SNRPA1: variants seen among roughly 807,000 people sequenced by gnomAD.
SNRPA1 encodes the protein U2 small nuclear ribonucleoprotein A'.
In SNRPA1, 5 loss-of-function variants were observed where a neutral mutation model predicts 32.3. That is an observed-to-expected ratio of 0.15 (90% confidence interval 0.08 to 0.33). The LOEUF is 0.33. Ranked by LOEUF, SNRPA1 falls within the 10% of genes least tolerant of loss-of-function variation. The pLI is 1.00. For missense variants in SNRPA1, 198 were observed against 311.1 expected (o/e 0.64, Z 2.74); for synonymous variants, 111 against 120.1 (o/e 0.92, Z 0.50).
chr15:101,287,824 A>G, intron 3 of SNRPA1, 122 bp from the exon 4 acceptor site: 2 of 794,232 alleles, frequency 2.5e-6, no homozygotes, highest in Non-Finnish European at 4.3e-6. Context: ...ACTCTCTAGC[A>G]ACAAGCCCAA....
intron 5 of SNRPA1, 138 bp downstream of exon 5, chr15:101,286,770 G>GT: frequency 1.7e-6 from 1 of 589,894 alleles, no homozygotes; most frequent in East Asian, 2.8e-5. Flanking sequence ...AAAATGTGAT[G>GT]TAACATTTTC....
intron 3 of SNRPA1, among the ~76,000 whole-genome samples, chr15:101,290,740 A>ATTTTTTTTT (rs766825971): frequency 8.4e-6 from 1 of 118,576 alleles, no homozygotes; most frequent in African/African-American, 3.3e-5. Flanking sequence ...CACTTTTGGC[A>ATTTTTTTTT]TTTTTTTTTT....
intron 3 of SNRPA1, among the ~76,000 whole-genome samples, chr15:101,291,696 C>A (rs2039528163): frequency 6.6e-6 from 1 of 152,000 alleles, no homozygotes; most frequent in African/African-American, 2.4e-5. Context: ...ATCAAAAGGG[C>A]TACAATAAAG....
intron 1 of SNRPA1, chr15:101,293,389 A>G (rs1364235622): frequency 4.9e-6 from 2 of 409,710 alleles, no homozygotes; most frequent in East Asian, 7.9e-5. Flanking sequence ...CATGAAGCTT[A>G]GAATCTGATG....
At chr15:101,282,841 T>A (rs1327174024) in intron 8 of SNRPA1, among the ~76,000 whole-genome samples, 2 of 152,242 alleles carry the variant, frequency 1.3e-5, no homozygotes, top group Non-Finnish European at 2.9e-5. Flanking sequence ...TTCTAAATTT[T>A]AATTTTTGCT....
intron 1 of SNRPA1, among the ~76,000 whole-genome samples, chr15:101,293,630 C>T (rs1336104538): frequency 1.3e-5 from 2 of 152,170 alleles, no homozygotes; most frequent in African/African-American, 2.4e-5. Flanking sequence ...TAGAACCCAT[C>T]AGAACAGCCT....
In SNRPA1 at chr15:101,292,336, A is replaced by T. The variant is rs1366761445; in HGVS notation, c.231-296T>A. On this transcript the variant is annotated intron_variant, in intron 2 of 8. Transcript: ENST00000254193. ...TAACTCACTTCATGATTTTTTGTGC[A>T]GGCAGCACAGAAATACAAATAATTC... 2.1e-4 allele frequency among the ~76,000 whole-genome samples: 32 copies of T among 152,242 alleles called. 1 individual carries two copies. The highest frequency in any genetic ancestry group is 1.9e-3 in the Admixed American group (29 of 15,286).
At chr15:101,287,114 A>G (rs1394506894) in intron 4 of SNRPA1, 104 bp from the exon 5 acceptor site, 1 of 561,500 alleles carries the variant, frequency 1.8e-6, no homozygotes, top group African/African-American at 1.9e-5. Context: ...GAACATTCAC[A>G]TTCTTCACAT....
intron 3 of SNRPA1, among the ~76,000 whole-genome samples, chr15:101,291,495 T>A (rs1321603610): frequency 6.7e-6 from 1 of 149,548 alleles, no homozygotes; most frequent in Non-Finnish European, 1.5e-5. Context: ...AACATCGATA[T>A]AAAAAAATTA....
intron 2 of SNRPA1, 66 bp from the exon 3 acceptor site, chr15:101,292,106 T>G: frequency 1.4e-5 from 15 of 1,071,898 alleles, no homozygotes; most frequent in Non-Finnish European, 2.2e-5. Context: ...ATCTACCTCC[T>G]TGCTCAGAGG....
Position 101,281,716 on chromosome 15 carries a change from C to G in SNRPA1, c.*8G>C. 6.2e-7 allele frequency: 1 copy of G among 1,604,610 alleles called. No individual in the cohort carries two copies. The highest frequency in any genetic ancestry group is 8.5e-7 in the Non-Finnish European group (1 of 1,171,264). On this transcript the variant is annotated 3_prime_UTR_variant, in exon 9 of 9. Transcript: ENST00000254193. ...AGAGGGCCTATTATTATACATCTGC[C>G]TCACTGCTCAGGACCCGTTTGTGAC... is the stretch of plus-strand genomic sequence containing the variant.
chr15:101,285,842 C>A (rs1211607897), intron 6 of SNRPA1, 41 bp from the exon 7 acceptor site: 5 of 1,490,902 alleles, frequency 3.4e-6, no homozygotes, highest in African/African-American at 1.4e-5. Flanking sequence ...CCTAGACCAA[C>A]AGAAGTTGCT....
At chr15:101,294,095 C>G (rs970117149) in intron 1 of SNRPA1, among the ~76,000 whole-genome samples, 6 of 152,250 alleles carry the variant, frequency 3.9e-5, no homozygotes, top group Admixed American at 1.3e-4. Context: ...ATTAGCCGGG[C>G]GTGGTGGCGC....
intron 4 of SNRPA1, 28 bp downstream of exon 4, chr15:101,287,628 A>G (rs1436721891): frequency 1.3e-6 from 2 of 1,595,944 alleles, no homozygotes; most frequent in African/African-American, 2.7e-5. Context: ...AAAGGGCTTC[A>G]TTTTGTCACA....
rs1328237195 is a variant in SNRPA1, at chr15:101,287,026, T to A, written c.357-16A>T. ...TCTTAGGATACTACAAGAAAAGGAATGACACAATGGCAAACTTGTTCATGG... is the reference window on the plus strand; with the variant it reads ...TCTTAGGATACTACAAGAAAAGGAAAGACACAATGGCAAACTTGTTCATGG... On this transcript the variant is annotated splice_polypyrimidine_tract_variant and intron_variant, in intron 4 of 8. Coordinates refer to ENST00000254193, the MANE Select transcript of SNRPA1 (RefSeq NM_003090.4). 1.4e-6 allele frequency: 2 copies of A among 1,422,484 alleles called. No homozygotes were observed. The highest frequency in any genetic ancestry group is 2.0e-6 in the Non-Finnish European group (2 of 1,007,916). 88.1% of individuals were successfully genotyped at this position (1,422,484 alleles called of 1,614,324 possible).
chr15:101,287,513 C>T, intron 4 of SNRPA1, 143 bp downstream of exon 4: 1 of 666,056 alleles, frequency 1.5e-6, no homozygotes, highest in Non-Finnish European at 2.7e-6. Flanking sequence ...AGGACATGAA[C>T]TCATCCTTTT....
Position 101,286,462 on chromosome 15 carries a change from A to T in SNRPA1, c.460-169T>A, listed in dbSNP as rs1165157281. ...GACACAGTGGTCTTCTTTCTTTGGTAGAGCTCCCTGAAGAAAGTTCATTCT... is the reference window on the plus strand; with the variant it reads ...GACACAGTGGTCTTCTTTCTTTGGTTGAGCTCCCTGAAGAAAGTTCATTCT... On this transcript the variant is annotated intron_variant, in intron 5 of 8. Transcript: ENST00000254193. The T allele has an allele frequency of 5.4e-6, 3 of 554,190 alleles. No individual in the cohort carries two copies. The Admixed American group carries it at 1.1e-4, about 20-fold the overall frequency. The allele number at this position is 554,190 out of a possible 1,614,324, so 34.3% of individuals were successfully genotyped here.
Position 101,295,230 on chromosome 15 carries a change from G to A in SNRPA1, c.-52C>T. On this transcript the variant is annotated 5_prime_UTR_variant, in exon 1 of 9. Coordinates refer to ENST00000254193, the MANE Select transcript of SNRPA1 (RefSeq NM_003090.4). The stretch of plus-strand genomic sequence containing the variant: ...GTGGAAAGCCCGTGGCCTCCCGCCA[G>A]CGAGACGTCCCAGCGTGCCCCGCGC... 6.9e-7 allele frequency: 1 copy of A among 1,440,238 alleles called. No homozygotes were observed. The highest frequency in any genetic ancestry group is 1.5e-5 in the African/African-American group (1 of 67,534). 89.2% of individuals were successfully genotyped at this position (1,440,238 alleles called of 1,614,324 possible).
Position 101,281,777 on chromosome 15 carries a change from T to C in SNRPA1, c.715A>G (p.Thr239Ala). 2 of 1,614,054 alleles carry C rather than the reference T, an allele frequency of 1.2e-6. No homozygotes were observed. Among genetic ancestry groups the C allele is most frequent in the Non-Finnish European group, 1.7e-6 (2 of 1,179,882 alleles). ...IPGRERRSGP[T>A]DDGEEEMEED... ...TCCATCTCTTCTTCACCATCATCAG[T>C]GGGCCCTAAAGAAAACCACCAAAGC... Residue 239 changes from threonine (T) to alanine (A), a missense_variant, in exon 9 of 9, where the codon ACT (threonine) becomes GCT (alanine). By Grantham distance (58) the Thr-to-Ala change is moderately conservative. This residue lies in a region of SNRPA1 where 77 missense variants were observed against 120.1 expected (regional missense o/e 0.64). Transcript: ENST00000254193.
Sources: gnomAD v4.1 joint callset for allele counts (sites outside exome capture counted in the v4.1 genomes callset) on GRCh38, gnomAD v4.1.1 for gene constraint, gnomAD v4.1.1 regional missense constraint, MANE v1.5 for transcripts, NCBI Gene and HGNC (gene_info 2026-07-23, HGNC 2026-07-21) for gene names.